USF3: variants seen among roughly 807,000 people sequenced by gnomAD.
The protein encoded by USF3 is upstream transcription factor family member 3.
USF3 carries 29 observed loss-of-function variants against 157.5 expected under a neutral mutation model. The observed-to-expected ratio is 0.18, with a 90% CI of 0.14 to 0.25. USF3 has a LOEUF of 0.25. Among genes scored for constraint, USF3 ranks in the 10% least tolerant of loss-of-function variants. The probability of loss-of-function intolerance (pLI) is 1.00; values close to 1 mark genes in which losing one functional copy is unlikely to be tolerated. For missense variants in USF3, 2,381 were observed against 2,667.6 expected, an observed-to-expected ratio of 0.89 and a Z score of 2.37; for synonymous variants, 893 against 941.4, an observed-to-expected ratio of 0.95 and a Z score of 0.94.
intron 5 of USF3, among the ~76,000 whole-genome samples, chr3:113,667,985 G>A (rs1947596495): frequency 1.3e-5 from 2 of 152,140 alleles, no homozygotes; most frequent in Non-Finnish European, 2.9e-5. Context: ...ACATAGAGAA[G>A]CAAGCTGATT....
At chr3:113,696,346 C>G (rs1355303871) in intron 1 of USF3, 24 bp downstream of exon 1, 1 of 150,838 alleles carries the variant, frequency 6.6e-6, no homozygotes, top group East Asian at 2.0e-4. Flanking sequence ...CGGCTGTCAG[C>G]GGCCCCCTCC....
intron 5 of USF3, among the ~76,000 whole-genome samples, chr3:113,664,867 G>A (rs753737199): frequency 1.3e-5 from 2 of 152,160 alleles, no homozygotes; most frequent in Non-Finnish European, 2.9e-5. Context: ...GATGGGATTA[G>A]TGCCCTATAA....
chr3:113,674,807 T>A lies in USF3; in HGVS notation c.47+25A>T. 4 of 1,600,214 alleles carry A rather than the reference T, an allele frequency of 2.5e-6. No individual in the cohort carries two copies. In the South Asian group the frequency reaches 3.3e-5, roughly 13 times the overall value. ...CTGCTTCTTATCTGCCCAAAGCATA[T>A]TATATTGGGGCTGTGGATACATACC... On this transcript the variant is annotated intron_variant, in intron 3 of 6. Transcript: ENST00000316407.
chr3:113,660,039 G>T lies in USF3; in HGVS notation c.1643C>A (p.Thr548Asn). The change falls in exon 7 of 7, where the codon ACT becomes AAT. Residue 548 changes from threonine (T) to asparagine (N), a missense_variant. Around this residue, in one of 6 missense-constraint regions of USF3, gnomAD observed 1,435 missense variants for 1,550.9 expected, o/e 0.93. Transcript: ENST00000316407. ...CTGAAGAATTATAACATTTTGATTA[G>T]TTGGAGCTGAATTAACAGCTGACCC... is the stretch of plus-strand genomic sequence containing the variant. Reference protein sequence around the residue: ...PVGSAVNSAPTNQNVIILQPP... With the variant: ...PVGSAVNSAPNNQNVIILQPP... 1 of 1,614,158 alleles carries T rather than the reference G, an allele frequency of 6.2e-7. No individual in the cohort carries two copies. Among genetic ancestry groups the T allele is most frequent in the African/African-American group, 1.3e-5 (1 of 75,040 alleles).
rs1947446882 is a variant in USF3 at position 113,659,802 on chromosome 3, G to T, written c.1880C>A (p.Thr627Asn). ...GTGGACAAGATGCTTTCCTCCAAAAGTCTGTGGTGTTGGAACATTTTGCAC... is the reference window on the plus strand; with the variant it reads ...GTGGACAAGATGCTTTCCTCCAAAATTCTGTGGTGTTGGAACATTTTGCAC... The part of the protein sequence containing the change: ...NSVQNVPTPQ[T>N]FGGKHLVHIL... The change falls in exon 7 of 7, where the codon ACT becomes AAT. Residue 627 changes from threonine to asparagine, a missense_variant. Physicochemically the swap from Thr to Asn is moderately conservative, Grantham distance 65 (BLOSUM62 0). Transcript: ENST00000316407. The T allele has an allele frequency of 1.9e-6, 3 of 1,614,106 alleles. No homozygotes were observed. In the South Asian group the frequency reaches 3.3e-5, roughly 18 times the overall value.
At position 113,648,405 on chromosome 3, in the gene USF3, A is replaced by G. The variant is rs1343508756; in HGVS notation, c.*6539T>C. 1.3e-5 allele frequency: 2 copies of G among 152,674 alleles called. No homozygotes were observed. The highest frequency in any genetic ancestry group is 2.4e-5 in the African/African-American group (1 of 41,466). The allele number at this position is 152,674 out of a possible 1,614,324, so 9.5% of individuals were successfully genotyped here. A position where few individuals can be genotyped will look rare whatever the true frequency, so the allele number is the denominator to read the frequency against. ...CAGAATTTACAATGCAAAAATGCAA[A>G]GTTTATTTTCTTAAATAAAATACTA... On this transcript the variant is annotated 3_prime_UTR_variant, in exon 7 of 7. Transcript: ENST00000316407.
chr3:113,675,811 G>A (rs745598462), intron 2 of USF3, among the ~76,000 whole-genome samples: 3 of 152,150 alleles, frequency 2.0e-5, no homozygotes, highest in Non-Finnish European at 4.4e-5. Flanking sequence ...CAATCATGGT[G>A]CTCTGTCACC....
intron 5 of USF3, among the ~76,000 whole-genome samples, chr3:113,664,788 T>C (rs972475101): frequency 7.9e-5 from 12 of 152,196 alleles, no homozygotes; most frequent in African/African-American, 2.9e-4. Flanking sequence ...AAAATTCATA[T>C]GTCTAAACCC....
chr3:113,658,943 G>C lies in USF3; in HGVS notation c.2739C>G (p.Thr913=). The change falls in exon 7 of 7, where the codon ACC becomes ACG. Residue 913 remains threonine, a synonymous_variant. Coordinates refer to ENST00000316407, the MANE Select transcript of USF3 (RefSeq NM_001009899.4). ...GAGATGTCTCTTGTTGTAGATTAGG[G>C]GTAGAATCTTTGGATTTTGCTGCGG... ...AMAAAKSKDS[T]PNLQQETSQD... is the part of the protein sequence containing the mutation. 1 of 1,614,044 alleles carries C rather than the reference G, an allele frequency of 6.2e-7. No individual in the cohort carries two copies. The highest frequency in any genetic ancestry group is 1.3e-5 in the African/African-American group (1 of 75,026).
chr3:113,685,798 G>A (rs1707533610), intron 1 of USF3, among the ~76,000 whole-genome samples: 1 of 152,196 alleles, frequency 6.6e-6, no homozygotes. Context: ...AGGGCAGTGG[G>A]TTCCCTTCTG....
chr3:113,673,215 A>G (rs547297746), intron 4 of USF3, 133 bp downstream of exon 4: 6 of 655,936 alleles, frequency 9.1e-6, no homozygotes, highest in African/African-American at 5.7e-5. Context: ...ATAAAAAACA[A>G]TAAGGGAACA....
At chr3:113,677,212 G>A (rs1057377006) in intron 2 of USF3, 70 bp downstream of exon 2, 3 of 152,132 alleles carry the variant, frequency 2.0e-5, no homozygotes. Context: ...CTCACATTAG[G>A]TAAACATATG....
chr3:113,675,830 A>C (rs74476051), intron 2 of USF3, among the ~76,000 whole-genome samples: 1 of 152,094 alleles, frequency 6.6e-6, no homozygotes. Flanking sequence ...CCTCTTGAAC[A>C]TTTTGCTGCT....
intron 1 of USF3, among the ~76,000 whole-genome samples, chr3:113,690,783 A>G (rs568530646): frequency 1.3e-5 from 2 of 152,292 alleles, no homozygotes; most frequent in South Asian, 4.1e-4. Flanking sequence ...CCCTCTACCT[A>G]TACTCTGGAC....
chr3:113,659,193 C>G lies in USF3; in HGVS notation c.2489G>C (p.Gly830Ala), dbSNP rs1167876062. Residue 830 changes from glycine (G) to alanine (A), a missense_variant, in exon 7 of 7, where the codon GGC becomes GCC. By Grantham distance (60) the Gly-to-Ala change is moderately conservative. This residue lies in a region of USF3 where 1,435 missense variants were observed against 1,550.9 expected (regional missense o/e 0.93). Transcript: ENST00000316407. ...ATCATTACAGGGTGGCTCTGCTGAG[C>G]CTTCAGTGTTGGGGCAGTCTAACTT... Reference protein sequence around the residue: ...VSKLDCPNTEGSAEPPCNDGL... With the variant: ...VSKLDCPNTEASAEPPCNDGL... 1 of 1,614,166 alleles carries G rather than the reference C, an allele frequency of 6.2e-7. No individual in the cohort carries two copies. The highest frequency in any genetic ancestry group is 8.5e-7 in the Non-Finnish European group (1 of 1,180,026).
intron 1 of USF3, among the ~76,000 whole-genome samples, chr3:113,687,235 A>T (rs867233406): frequency 5.9e-5 from 8 of 135,460 alleles, no homozygotes; most frequent in Admixed American, 1.5e-4. Context: ...ACAGTCACAC[A>T]CACACACACA....
chr3:113,655,331 A>C lies in USF3; in HGVS notation c.6351T>G (p.Ala2117=). ...LPSFYPPYSP[A]HPTLSNDISI... ...AAATATCATTGGACAGTGTAGGATG[A>C]GCAGGAGAGTATGGAGGATAGAAGG... The change falls in exon 7 of 7, where the codon GCT becomes GCG. Residue 2117 remains alanine, a synonymous_variant. Coordinates refer to ENST00000316407, the MANE Select transcript of USF3 (RefSeq NM_001009899.4). 1 of 1,614,142 alleles carries C rather than the reference A, an allele frequency of 6.2e-7. No individual in the cohort carries two copies. The highest frequency in any genetic ancestry group is 8.5e-7 in the Non-Finnish European group (1 of 1,179,994).
chr3:113,682,221 A>C (rs1296599437), intron 1 of USF3, among the ~76,000 whole-genome samples: 15 of 152,172 alleles, frequency 9.9e-5, no homozygotes, highest in African/African-American at 3.6e-4. Flanking sequence ...ACTACTGCAG[A>C]GACTGAGGTG....
At position 113,658,294 on chromosome 3, in the gene USF3, T is replaced by C. The variant is rs758156244; in HGVS notation, c.3388A>G (p.Thr1130Ala). ...TCDSCTFVEQ[T>A]DIVALAARAI... is the part of the protein sequence containing the mutation. ...CTTGCTGCAAGAGCTACTATATCAG[T>C]TTGCTCTACAAAGGTACAGCTGTCA... The change falls in exon 7 of 7, where the codon ACT becomes GCT. Residue 1130 changes from threonine to alanine, a missense_variant. Physicochemically the swap from Thr to Ala is moderately conservative, Grantham distance 58. Transcript: ENST00000316407. The C allele has an allele frequency of 1.2e-6, 2 of 1,614,178 alleles. No homozygotes were observed. Among genetic ancestry groups the C allele is most frequent in the Non-Finnish European group, 1.7e-6 (2 of 1,180,030 alleles).
Sources: gnomAD v4.1 joint callset for allele counts (sites outside exome capture counted in the v4.1 genomes callset) on GRCh38, gnomAD v4.1.1 for gene constraint, gnomAD v4.1.1 regional missense constraint, MANE v1.5 for transcripts, NCBI Gene and HGNC (gene_info 2026-07-23, HGNC 2026-07-21) for gene names.